The following SNX16 variants were observed in gnomAD, a reference collection of about 807,000 sequenced individuals.
SNX16 encodes the protein sorting nexin-16.
Under a neutral mutation model 36.7 loss-of-function variants are expected in SNX16, and 35 were observed. That is an observed-to-expected ratio of 0.95 (90% confidence interval 0.73 to 1.27). The LOEUF is 1.27. Ranked by LOEUF, SNX16 falls within the 50% of genes most tolerant of loss-of-function variation. The probability of loss-of-function intolerance (pLI) is 0.00; values close to 1 mark genes in which losing one functional copy is unlikely to be tolerated. For missense variants in SNX16, 367 were observed against 393.6 expected (o/e 0.93, Z 0.57); for synonymous variants, 134 against 132.0 (o/e 1.02, Z -0.10).
chr8:81,840,112 TA>T lies in SNX16; in HGVS notation c.-96-31del, dbSNP rs1177363729. 35 of 1,089,758 alleles carry T rather than the reference TA, an allele frequency of 3.2e-5. No individual in the cohort carries two copies. In the African/African-American group the frequency reaches 5.3e-4, roughly 17 times the overall value. 67.5% of individuals were successfully genotyped at this position (1,089,758 alleles called of 1,614,324 possible). A position where few individuals can be genotyped will look rare whatever the true frequency, so the allele number is the denominator to read the frequency against. ...AAATGAAAAGGACATATTAAAAGGT[TA>T]GTCTTTAATGTGCAGCAGGATTCAA... On this transcript the variant is annotated intron_variant, in intron 1 of 7. Transcript: ENST00000345957.
chr8:81,838,029 C>A (rs748648250), intron 2 of SNX16, among the ~76,000 whole-genome samples: 1 of 152,030 alleles, frequency 6.6e-6, no homozygotes, highest in Non-Finnish European at 1.5e-5. Context: ...AAAAGTAAAC[C>A]TTTTGAGTTA....
At chr8:81,809,050 G>C (rs1234049808) in intron 5 of SNX16, among the ~76,000 whole-genome samples, 2 of 151,434 alleles carry the variant, frequency 1.3e-5, no homozygotes, top group African/African-American at 4.9e-5. Flanking sequence ...TTGTGATACT[G>C]AATAAATGTC....
intron 5 of SNX16, chr8:81,808,200 C>A: frequency 3.0e-6 from 4 of 1,330,050 alleles, no homozygotes; most frequent in Non-Finnish European, 3.2e-6. Context: ...AAGGCAGTGG[C>A]AAGAAAAGGG....
intron 2 of SNX16, among the ~76,000 whole-genome samples, chr8:81,836,984 T>C (rs1270178056): frequency 1.3e-5 from 2 of 152,218 alleles, no homozygotes; most frequent in African/African-American, 2.4e-5. Context: ...ACAAGGATCT[T>C]TGTAGTTGTC....
At chr8:81,820,146 T>C (rs1563442681) in intron 4 of SNX16, among the ~76,000 whole-genome samples, 1 of 152,124 alleles carries the variant, frequency 6.6e-6, no homozygotes, top group East Asian at 1.9e-4. Flanking sequence ...TTGATGTTTT[T>C]ATGTAGTGAT....
chr8:81,834,421 G>A (rs1221836079), intron 2 of SNX16, among the ~76,000 whole-genome samples: 1 of 151,940 alleles, frequency 6.6e-6, no homozygotes, highest in Non-Finnish European at 1.5e-5. Flanking sequence ...AACTAATAGT[G>A]CCTTCCAGAC....
intron 1 of SNX16, chr8:81,841,672 C>T (rs1811785387): frequency 6.6e-6 from 1 of 152,396 alleles, no homozygotes; most frequent in Non-Finnish European, 1.5e-5. Flanking sequence ...ACGTGCTGTG[C>T]TCATTAGGAG....
intron 5 of SNX16, chr8:81,808,816 C>T (rs1810093493): frequency 1.4e-6 from 1 of 732,648 alleles, no homozygotes. Context: ...TGAAGTCAGC[C>T]AAGCACAGTG....
At chr8:81,834,030 A>ACACACC (rs1189447886) in intron 2 of SNX16, among the ~76,000 whole-genome samples, 1 of 152,220 alleles carries the variant, frequency 6.6e-6, no homozygotes, top group Non-Finnish European at 1.5e-5. Flanking sequence ...CTATGAGTGT[A>ACACACC]TTAGTCCATT....
intron 4 of SNX16, 200 bp from the exon 5 acceptor site, chr8:81,815,594 CA>C: frequency 2.3e-6 from 1 of 435,412 alleles, no homozygotes; most frequent in Non-Finnish European, 4.2e-6. Flanking sequence ...ACATAAATAT[CA>C]CAAATTTATT....
At chr8:81,840,126 CA>C in intron 1 of SNX16, 44 bp from the exon 2 acceptor site, 1 of 922,898 alleles carries the variant, frequency 1.1e-6, no homozygotes, top group Non-Finnish European at 1.6e-6. Flanking sequence ...CTTTAATGTG[CA>C]GCAGGATTCA....
chr8:81,803,009 T>A (rs532722481), intron 6 of SNX16, 83 bp downstream of exon 6: 2 of 1,229,300 alleles, frequency 1.6e-6, no homozygotes, highest in East Asian at 5.6e-5. Context: ...AATTCCTAAA[T>A]CATATTAAAA....
intron 1 of SNX16, 69 bp from the exon 2 acceptor site, chr8:81,840,151 C>T (rs139105771): frequency 2.7e-6 from 2 of 743,000 alleles, no homozygotes; most frequent in Admixed American, 2.9e-5. Context: ...GAAAAGTATT[C>T]TTTTCAATTT....
intron 5 of SNX16, among the ~76,000 whole-genome samples, chr8:81,807,258 C>T (rs1247709362): frequency 6.6e-6 from 1 of 151,902 alleles, no homozygotes; most frequent in Non-Finnish European, 1.5e-5. Context: ...GTGGCTCATG[C>T]CTGTAATCCC....
intron 4 of SNX16, among the ~76,000 whole-genome samples, chr8:81,821,000 A>G (rs1333125677): frequency 6.6e-6 from 1 of 151,436 alleles, no homozygotes; most frequent in East Asian, 1.9e-4. Context: ...TAAAAAAGAT[A>G]GTGAGTACCA....
chr8:81,813,028 G>C (rs1810331730), intron 5 of SNX16, among the ~76,000 whole-genome samples: 1 of 151,934 alleles, frequency 6.6e-6, no homozygotes, highest in Non-Finnish European at 1.5e-5. Flanking sequence ...GATAAAAGGA[G>C]GAATGGGATG....
chr8:81,807,626 G>T, intron 5 of SNX16: 2 of 364,662 alleles, frequency 5.5e-6, no homozygotes, highest in Non-Finnish European at 1.0e-5. Flanking sequence ...CAGTAGGGAT[G>T]AACTTTTAAA....
At chr8:81,804,546 A>G (rs1809848495) in intron 5 of SNX16, among the ~76,000 whole-genome samples, 1 of 152,050 alleles carries the variant, frequency 6.6e-6, no homozygotes, top group Non-Finnish European at 1.5e-5. Flanking sequence ...GAAAAGAAAG[A>G]AAGGAGTAAA....
intron 2 of SNX16, among the ~76,000 whole-genome samples, chr8:81,830,661 A>G (rs916750177): frequency 1.3e-5 from 2 of 152,090 alleles, no homozygotes; most frequent in African/African-American, 4.8e-5. Context: ...GATTGGAAGA[A>G]TCAATATCAT....
Sources: allele counts gnomAD v4.1 joint callset (sites outside exome capture counted in the v4.1 genomes callset), GRCh38; gene constraint gnomAD v4.1.1; transcripts MANE v1.5; gene names NCBI Gene and HGNC (gene_info 2026-07-23, HGNC 2026-07-21).